HK1: variants seen among roughly 807,000 people sequenced by gnomAD.
HK1 encodes the protein hexokinase 1, also known as hexokinase-1.
In HK1, 28 loss-of-function variants were observed where a neutral mutation model predicts 91.6. The observed-to-expected ratio is 0.31, with a 90% CI of 0.23 to 0.42. The LOEUF is 0.42. Among genes scored for constraint, HK1 ranks in the 10% least tolerant of loss-of-function variants. The pLI, the probability that HK1 is intolerant of heterozygous loss-of-function variation, is 1.00. For synonymous variants in HK1, 430 were observed against 468.1 expected (o/e 0.92, Z 1.05); for missense variants, 770 against 1,219.8 (o/e 0.63, Z 5.49).
chr10:69,386,229 A>C (rs1320773604), intron 12 of HK1, 94 bp from the exon 13 acceptor site: 9 of 914,508 alleles, frequency 9.8e-6, no homozygotes, highest in Non-Finnish European at 1.4e-5. Flanking sequence ...GTAAGCCCTC[A>C]GCAGTTGTTG....
Position 69,377,073 on chromosome 10 carries a change from G to A in HK1, c.1015G>A (p.Val339Met), listed in dbSNP as rs138492927. 32 of 1,614,084 alleles carry A rather than the reference G, an allele frequency of 2.0e-5. No individual in the cohort carries two copies. The African/African-American group carries it at 4.0e-4, about 20-fold the overall frequency. The stretch of plus-strand genomic sequence containing the variant: ...CCGAGGGAAGTTTAACACCAGTGAT[G>A]TGTCAGCCATCGAAAAGTAGGTACC... Reference protein sequence around the residue: ...LTRGKFNTSDVSAIEKNKEGL... With the variant: ...LTRGKFNTSDMSAIEKNKEGL... Residue 339 changes from valine (V) to methionine (M), a missense_variant, in exon 8 of 18, where the codon GTG (valine) becomes ATG (methionine). Around this residue, in one of 7 missense-constraint regions of HK1, gnomAD observed 449 missense variants for 665.1 expected, o/e 0.68. Coordinates refer to ENST00000359426, the MANE Select transcript of HK1 (RefSeq NM_000188.3).
rs370850281 is a variant in HK1 at position 69,328,554 on chromosome 10, C to T, written c.63+9544C>T. ...CTTGTGAGGTGGGTGTGATTTCAGA[C>T]GGTGAGGCCCAGATAGTGAACGATA... On this transcript the variant is annotated intron_variant, in intron 1 of 17. Transcript: ENST00000359426. Among the ~76,000 whole-genome samples the T allele has an allele frequency of 2.6e-5, 4 of 152,198 alleles. No homozygotes were observed. In the East Asian group the frequency reaches 5.8e-4, roughly 22 times the overall value.
upstream of HK1, among the ~76,000 whole-genome samples, chr10:69,312,536 G>A (rs796870918): frequency 3.3e-5 from 5 of 151,936 alleles, no homozygotes; most frequent in African/African-American, 1.2e-4. Flanking sequence ...ACCGTGCCTG[G>A]CCATATAGCC....
intron 2 of HK1, among the ~76,000 whole-genome samples, chr10:69,349,399 C>T (rs1848728418): frequency 6.6e-6 from 1 of 152,126 alleles, no homozygotes; most frequent in African/African-American, 2.4e-5. Flanking sequence ...GGTGCGTCAT[C>T]GTCATCCTCA....
intron 3 of HK1, among the ~76,000 whole-genome samples, chr10:69,294,185 T>G (rs974528670): frequency 6.6e-6 from 1 of 152,156 alleles, no homozygotes; most frequent in Non-Finnish European, 1.5e-5. Context: ...TTCAAGTGTC[T>G]GTTTGCATGG....
At chr10:69,379,646 C>A (rs1407904148) in intron 8 of HK1, among the ~76,000 whole-genome samples, 1 of 152,152 alleles carries the variant, frequency 6.6e-6, no homozygotes, top group Admixed American at 6.5e-5. Context: ...CATAGTGCAA[C>A]CTGGTACAGT....
At chr10:69,333,626 G>A (rs561667809) in intron 1 of HK1, among the ~76,000 whole-genome samples, 1 of 152,120 alleles carries the variant, frequency 6.6e-6, no homozygotes, top group Non-Finnish European at 1.5e-5. Flanking sequence ...GGGAGCTGAA[G>A]TTGGAGTGCC....
chr10:69,343,508 A>G (rs1487062130), intron 1 of HK1, among the ~76,000 whole-genome samples: 1 of 152,160 alleles, frequency 6.6e-6, no homozygotes, highest in Non-Finnish European at 1.5e-5. Flanking sequence ...AGGAGGCTTG[A>G]GGTGTTCCTG....
chr10:69,273,398 AG>A (rs1370586959), intron 1 of HK1, among the ~76,000 whole-genome samples: 4 of 152,172 alleles, frequency 2.6e-5, no homozygotes, highest in Admixed American at 1.3e-4. Flanking sequence ...TTGTATTTTT[AG>A]TAGAGATGGA....
At chr10:69,320,151 G>A (rs1846925727) in intron 1 of HK1, among the ~76,000 whole-genome samples, 1 of 152,112 alleles carries the variant, frequency 6.6e-6, no homozygotes, top group Non-Finnish European at 1.5e-5. Flanking sequence ...CCTACTGAGG[G>A]CAGCGACCTT....
At chr10:69,376,315 G>A (rs1488997215) in intron 7 of HK1, among the ~76,000 whole-genome samples, 1 of 151,996 alleles carries the variant, frequency 6.6e-6, no homozygotes, top group African/African-American at 2.4e-5. Context: ...CCATGAGTTC[G>A]AAACCAGCCT....
At chr10:69,367,121 C>G (rs1314511390) in intron 4 of HK1, among the ~76,000 whole-genome samples, 1 of 152,140 alleles carries the variant, frequency 6.6e-6, no homozygotes, top group Non-Finnish European at 1.5e-5. Context: ...CGAGAGCCTG[C>G]AGGGTGGAGC....
chr10:69,299,089 G>C lies in HK1; in HGVS notation c.-66-1680G>C, dbSNP rs11816714. Among the ~76,000 whole-genome samples, 418 of 151,512 alleles carry C rather than the reference G, an allele frequency of 2.8e-3. 10 individuals carry two copies. The highest frequency in any genetic ancestry group is 0.017 in the Middle Eastern group (5 of 294). On this transcript the variant is annotated intron_variant, in intron 4 of 21. Coordinates refer to the HK1 transcript ENST00000360289. ...CAAGTACCTGGGATTACAGGCGTGC[G>C]CCACCATGCCCGACCTATGTTTTTA... is the stretch of plus-strand genomic sequence containing the variant.
At position 69,336,431 on chromosome 10, in the gene HK1, T is replaced by A. The variant is rs148801441; in HGVS notation, c.64-7396T>A. 3.3e-3 allele frequency among the ~76,000 whole-genome samples: 509 copies of A among 151,978 alleles called. 1 individual carries two copies. The highest frequency in any genetic ancestry group is 0.024 in the Middle Eastern group (7 of 294). On this transcript the variant is annotated intron_variant, in intron 1 of 17. Coordinates refer to ENST00000359426, the MANE Select transcript of HK1 (RefSeq NM_000188.3). ...GTCTTGAACTCCCGATCTCAGGTGATCCACCAGCCTCGGCCTCCCAAAGTG... is the reference window on the plus strand; with the variant it reads ...GTCTTGAACTCCCGATCTCAGGTGAACCACCAGCCTCGGCCTCCCAAAGTG...
chr10:69,381,570 G>A (rs1051496065), intron 9 of HK1, among the ~76,000 whole-genome samples: 3 of 136,286 alleles, frequency 2.2e-5, no homozygotes, highest in Non-Finnish European at 1.5e-5. Context: ...TTTTTTGAAG[G>A]CAGGGTCTTG....
rs144282713 is a variant in HK1 at position 69,382,654 on chromosome 10, A to G, written c.1433A>G (p.His478Arg). The G allele has an allele frequency of 2.5e-4, 402 of 1,613,920 alleles. No individual in the cohort carries two copies. Among genetic ancestry groups the G allele is most frequent in the Non-Finnish European group, 3.2e-4 (380 of 1,180,004 alleles). ...RQIEETLAHF[H>R]LTKDMLLEVK... Reference sequence around the variant, plus strand: ...ATAGAGGAGACCCTGGCTCATTTCCACCTCACCAAGGACATGCTGCTGGAG... The same window carrying G: ...ATAGAGGAGACCCTGGCTCATTTCCGCCTCACCAAGGACATGCTGCTGGAG... Residue 478 changes from histidine (H) to arginine (R), a missense_variant, in exon 10 of 18, where the codon CAC becomes CGC. Around this residue, in one of 7 missense-constraint regions of HK1, gnomAD observed 449 missense variants for 665.1 expected, o/e 0.68. Transcript: ENST00000359426.
chr10:69,319,491 C>T (rs1265966253), intron 1 of HK1, among the ~76,000 whole-genome samples: 1 of 152,260 alleles, frequency 6.6e-6, no homozygotes, highest in Non-Finnish European at 1.5e-5. Flanking sequence ...GAAGCTGTCG[C>T]CGGGCTCTCC....
chr10:69,328,357 A>G (rs74471922), intron 1 of HK1, among the ~76,000 whole-genome samples: 1,667 of 152,312 alleles, frequency 0.011, 28 homozygotes, highest in African/African-American at 0.038. Context: ...CTTACAGGGA[A>G]GGGGGCATTC....
At chr10:69,338,453 C>T (rs1311146876) in intron 1 of HK1, 1 of 1,269,772 alleles carries the variant, frequency 7.9e-7, no homozygotes, top group Admixed American at 2.3e-5. Context: ...CATTTGAGGG[C>T]CTGGGTTTCT....
Sources: allele counts gnomAD v4.1 joint callset (sites outside exome capture counted in the v4.1 genomes callset), GRCh38; gene constraint gnomAD v4.1.1; regional missense constraint gnomAD v4.1.1; transcripts MANE v1.5; gene names NCBI Gene and HGNC (gene_info 2026-07-23, HGNC 2026-07-21).